MRPS2: variants seen among roughly 807,000 people sequenced by gnomAD.
MRPS2 encodes the protein mitochondrial ribosomal protein S2.
Under a neutral mutation model 18.9 loss-of-function variants are expected in MRPS2, and 13 were observed. The observed-to-expected ratio is 0.69, with a 90% confidence interval of 0.45 to 1.09. The LOEUF is 1.09. MRPS2 is among the 50% of genes least tolerant of loss of function. The pLI, the probability that MRPS2 is intolerant of heterozygous loss-of-function variation, is 0.00. For missense variants in MRPS2, 389 were observed against 421.7 expected (o/e 0.92, Z 0.68); for synonymous variants, 186 against 178.4 (o/e 1.04, Z -0.34).
chr9:135,503,457 G>T (rs1489227063), intron 3 of MRPS2, 85 bp from the exon 4 acceptor site: 2 of 1,442,378 alleles, frequency 1.4e-6, no homozygotes, highest in African/African-American at 2.8e-5. Flanking sequence ...GGGAGTCCCT[G>T]GTGGGCGTCT....
intron 3 of MRPS2, chr9:135,502,252 G>C (rs1831164253): frequency 8.0e-7 from 1 of 1,250,878 alleles, no homozygotes; most frequent in Non-Finnish European, 1.0e-6. Flanking sequence ...AAAGGCTGAG[G>C]GCAGAACCTG....
chr9:135,504,160 A>G lies in MRPS2; in HGVS notation c.*27A>G. 3 of 1,540,006 alleles carry G rather than the reference A, an allele frequency of 1.9e-6. No homozygotes were observed. Among genetic ancestry groups the G allele is most frequent in the Non-Finnish European group, 2.6e-6 (3 of 1,147,252 alleles). On this transcript the variant is annotated 3_prime_UTR_variant, in exon 4 of 4. Coordinates refer to ENST00000241600, the MANE Select transcript of MRPS2 (RefSeq NM_016034.5). The surrounding 1 kb of genome is among the most constrained non-coding windows in gnomAD (Gnocchi z 4.3). ...GTTCACTCTCCTCCCAAAGCAAACC[A>G]CAGCCAAGCCTGTCTGAGCTGGGAG... is the stretch of plus-strand genomic sequence containing the variant.
At chr9:135,501,641 TCGGGATCAGAACCTGGCTCCAGC>T in intron 2 of MRPS2, 180 bp from the exon 3 acceptor site, 1 of 1,391,664 alleles carries the variant, frequency 7.2e-7, no homozygotes, top group East Asian at 2.8e-5. Context: ...AGGAGCAAGG[TCGGGATCAGAACCTGGCTCCAGC>T]CCTCTGTTTC....
At position 135,501,046 on chromosome 9, in the gene MRPS2, C is replaced by T. The variant is rs746733836; in HGVS notation, c.92C>T (p.Pro31Leu). The T allele has an allele frequency of 2.5e-6, 4 of 1,610,916 alleles. No individual in the cohort carries two copies. The highest frequency in any genetic ancestry group is 3.4e-6 in the Non-Finnish European group (4 of 1,179,252). The change falls in exon 2 of 4, where the codon CCC becomes CTC. Residue 31 changes from proline to leucine, a missense_variant. Pro to Leu is a moderately conservative substitution (Grantham distance 98, BLOSUM62 -3). Transcript: ENST00000241600. ...RWLGFLGKAT[P>L]RPARPSRRTL... ...TTGGGCTTTCTCGGGAAGGCGACCC[C>T]CCGGCCTGCTCGGCCGAGCCGCAGG...
At chr9:135,501,750 G>A (rs1831144090) in intron 2 of MRPS2, 94 bp from the exon 3 acceptor site, 3 of 1,550,388 alleles carry the variant, frequency 1.9e-6, no homozygotes, top group Non-Finnish European at 2.6e-6. Context: ...TGTCACAGAA[G>A]GCACTTGGGA....
Position 135,500,716 on chromosome 9 carries a change from G to T in MRPS2, c.6G>T (p.Ala2=), listed in dbSNP as rs534666875. 1.4e-6 allele frequency: 2 copies of T among 1,478,692 alleles called. No individual in the cohort carries two copies. Among genetic ancestry groups the T allele is most frequent in the South Asian group, 2.7e-5 (2 of 74,454 alleles). The allele number at this position is 1,478,692 out of a possible 1,614,324, so 91.6% of individuals were successfully genotyped here. A position where few individuals can be genotyped will look rare whatever the true frequency, so the allele number is the denominator to read the frequency against. ...CTCTGCCCCGCGTCCCAGCCATGGC[G>T]ACATCCTCGGCCGCGCTGCCCCGAA... M[A]TSSAALPRIL... Residue 2 remains alanine, a synonymous_variant, in exon 1 of 4, where the codon GCG becomes GCT. Coordinates refer to ENST00000241600, the MANE Select transcript of MRPS2 (RefSeq NM_016034.5).
chr9:135,503,222 T>C (rs553425844), intron 3 of MRPS2: 33 of 1,171,918 alleles, frequency 2.8e-5, no homozygotes, highest in Admixed American at 8.7e-5. Flanking sequence ...CCCTGTGAGC[T>C]GCACGGGGCA....
chr9:135,503,447 G>A (rs1044170269), intron 3 of MRPS2, 95 bp from the exon 4 acceptor site: 9 of 1,413,098 alleles, frequency 6.4e-6, no homozygotes, highest in East Asian at 4.9e-5. Flanking sequence ...AGAGGAGCCC[G>A]GGAGTCCCTG....
At chr9:135,503,073 G>T in intron 3 of MRPS2, 1 of 993,902 alleles carries the variant, frequency 1.0e-6, no homozygotes, top group East Asian at 1.1e-4. Context: ...CAGTGCTTTG[G>T]ATCAGGGTTC....
At chr9:135,501,462 GC>G in intron 2 of MRPS2, 1 of 940,876 alleles carries the variant, frequency 1.1e-6, no homozygotes, top group Non-Finnish European at 1.4e-6. Context: ...CTTGGAGTCT[GC>G]CCACCTTGCT....
chr9:135,502,538 G>A (rs1238981704), intron 3 of MRPS2: 2 of 162,266 alleles, frequency 1.2e-5, no homozygotes, highest in African/African-American at 4.8e-5. Flanking sequence ...GGGGCCGAAG[G>A]GATCAAACAC....
chr9:135,504,336 A>G lies in MRPS2; in HGVS notation c.*203A>G, dbSNP rs1831239953. Reference sequence around the variant, plus strand: ...GCGTTTGCTCTGTGGGGAACAGAGCACAGAGGGTGAGCGACATGTGCAGAA... The same window carrying G: ...GCGTTTGCTCTGTGGGGAACAGAGCGCAGAGGGTGAGCGACATGTGCAGAA... On this transcript the variant is annotated 3_prime_UTR_variant, in exon 4 of 4. Transcript: ENST00000241600. This position sits in a 1 kb window ranked among gnomAD's most constrained non-coding sequence, Gnocchi z 4.3. 4.9e-6 allele frequency: 3 copies of G among 609,130 alleles called. No individual in the cohort carries two copies. Among genetic ancestry groups the G allele is most frequent in the African/African-American group, 1.9e-5 (1 of 53,986 alleles). The allele number at this position is 609,130 out of a possible 1,614,324, so 37.7% of individuals were successfully genotyped here.
chr9:135,501,616 C>G (rs1006411223), intron 2 of MRPS2: 25 of 1,342,840 alleles, frequency 1.9e-5, no homozygotes, highest in Non-Finnish European at 2.2e-5. Context: ...TGACCAGGTT[C>G]GACCAGGCTT....
chr9:135,504,142 C>G lies in MRPS2; in HGVS notation c.*9C>G, dbSNP rs752208311. Reference sequence around the variant, plus strand: ...TGAGCCATTCCCTGTGATGTTCACTCTCCTCCCAAAGCAAACCACAGCCAA... The same window carrying G: ...TGAGCCATTCCCTGTGATGTTCACTGTCCTCCCAAAGCAAACCACAGCCAA... On this transcript the variant is annotated 3_prime_UTR_variant, in exon 4 of 4. Transcript: ENST00000241600. This position sits in a 1 kb window ranked among gnomAD's most constrained non-coding sequence, Gnocchi z 4.3. 13 of 1,577,392 alleles carry G rather than the reference C, an allele frequency of 8.2e-6. No homozygotes were observed. The highest frequency in any genetic ancestry group is 1.8e-5 in the Admixed American group (1 of 56,384).
chr9:135,502,032 C>T (rs1456771434), intron 3 of MRPS2, 59 bp downstream of exon 3: 2 of 1,609,254 alleles, frequency 1.2e-6, no homozygotes, highest in African/African-American at 2.7e-5. Context: ...GGGACCTGCT[C>T]TGGTTCTAGG....
chr9:135,501,208 C>G, intron 2 of MRPS2, 85 bp downstream of exon 2: 1 of 1,461,190 alleles, frequency 6.8e-7, no homozygotes, highest in Non-Finnish European at 9.0e-7. Flanking sequence ...GGGGCCTGGG[C>G]GCTGCACGCG....
In MRPS2 at chr9:135,500,761, C is replaced by T. The variant is rs374510738; in HGVS notation, c.43+8C>T. The T allele has an allele frequency of 2.0e-6, 3 of 1,477,054 alleles. No individual in the cohort carries two copies. Among genetic ancestry groups the T allele is most frequent in the African/African-American group, 1.4e-5 (1 of 69,292 alleles). 91.5% of individuals were successfully genotyped at this position (1,477,054 alleles called of 1,614,324 possible). The stretch of plus-strand genomic sequence containing the variant: ...CCCGAATACTCGGCGCGGGTGAGCG[C>T]GCGCTTGCGGGACCCTGGGGAGGAG... On this transcript the variant is annotated splice_region_variant and intron_variant, in intron 1 of 3. Transcript: ENST00000241600.
At chr9:135,502,340 G>A in intron 3 of MRPS2, 1 of 970,994 alleles carries the variant, frequency 1.0e-6, no homozygotes, top group Non-Finnish European at 1.3e-6. Flanking sequence ...ATTCTCACAT[G>A]GTCATTTTGA....
intron 2 of MRPS2, chr9:135,501,483 A>G: frequency 2.4e-6 from 2 of 827,870 alleles, no homozygotes; most frequent in African/African-American, 3.6e-5. Flanking sequence ...TGGACTCCTG[A>G]TGGGGACTTT....
Sources: gnomAD v4.1 joint callset for allele counts on GRCh38, gnomAD v4.1.1 for gene constraint, Gnocchi (gnomAD v3.1) non-coding constraint, MANE v1.5 for transcripts, NCBI Gene and HGNC (gene_info 2026-07-23, HGNC 2026-07-21) for gene names.